Variants in PRR15L observed in about 807,000 individuals in gnomAD.
PRR15L encodes the protein proline-rich protein 15-like protein.
Under a neutral mutation model 3.7 loss-of-function variants are expected in PRR15L, and 1 was observed. That is an observed-to-expected ratio of 0.27 (90% CI 0.09 to 1.27). The LOEUF is 1.27. Among genes scored for constraint, PRR15L ranks in the 50% most tolerant of loss-of-function variants. PRR15L has a pLI of 0.47. For missense variants in PRR15L, 127 were observed against 128.7 expected (o/e 0.99, Z 0.06); for synonymous variants, 57 against 51.9 (o/e 1.10, Z -0.42).
Position 47,953,120 on chromosome 17 carries a change from G to T in PRR15L, c.115C>A (p.Pro39Thr), listed in dbSNP as rs764688541. ...GGGCCTCCAGCGTCAGGCCTCGGGG[G>T]TTCTGCATCTCCCTCTGTTTGGGCA... ...TYAQTEGDAE[P>T]PRPDAGGPNS... Residue 39 changes from proline to threonine, a missense_variant, in exon 2 of 2, where the codon CCC (proline) becomes ACC (threonine). Pro to Thr is a conservative substitution (Grantham distance 38, BLOSUM62 -1). Coordinates refer to ENST00000300557, the MANE Select transcript of PRR15L (RefSeq NM_024320.4). 1.3e-5 allele frequency: 21 copies of T among 1,614,018 alleles called. No individual in the cohort carries two copies. Among genetic ancestry groups the T allele is most frequent in the Middle Eastern group, 3.3e-4 (2 of 6,084 alleles).
chr17:47,953,413 C>G (rs573502719), intron 1 of PRR15L, 150 bp from the exon 2 acceptor site: 61 of 563,102 alleles, frequency 1.1e-4, no homozygotes, highest in Non-Finnish European at 1.7e-4. Flanking sequence ...AATCCCGGCA[C>G]TTTGGGAGGC....
At chr17:47,954,633 G>C (rs749203203) in intron 1 of PRR15L, among the ~76,000 whole-genome samples, 4 of 152,164 alleles carry the variant, frequency 2.6e-5, no homozygotes, top group African/African-American at 9.7e-5. Flanking sequence ...GGAACTTCTC[G>C]GAGAGGAGGT....
intron 1 of PRR15L, among the ~76,000 whole-genome samples, chr17:47,955,328 G>A (rs760609058): frequency 2.0e-5 from 3 of 152,148 alleles, no homozygotes; most frequent in Admixed American, 6.5e-5. Flanking sequence ...TTTTAGGGGT[G>A]GGGGAGCATA....
chr17:47,952,929 T>C lies in PRR15L; in HGVS notation c.306A>G (p.Ser102=), dbSNP rs1259479205. 6 of 1,612,520 alleles carry C rather than the reference T, an allele frequency of 3.7e-6. No individual in the cohort carries two copies. In the South Asian group the frequency reaches 4.4e-5, roughly 12 times the overall value. Residue 102 remains serine, a synonymous_variant, in exon 2 of 2, where the codon TCA becomes TCG. Coordinates refer to ENST00000300557, the MANE Select transcript of PRR15L (RefSeq NM_024320.4). ...LFDDHEEGRS[S]K ...TAGCACCCTCCTCAGCCCTTCACTT[T>C]GATGACCGTCCTTCCTCGTGATCAT...
intron 1 of PRR15L, among the ~76,000 whole-genome samples, chr17:47,954,288 A>G (rs933495611): frequency 2.6e-5 from 4 of 152,148 alleles, no homozygotes; most frequent in Non-Finnish European, 5.9e-5. Context: ...CAGCACTAGC[A>G]TTTAGCTCTA....
chr17:47,952,397 G>C lies in PRR15L; in HGVS notation c.*526C>G, dbSNP rs1048729004. 6.5e-6 allele frequency: 1 copy of C among 152,776 alleles called. No homozygotes were observed. The allele number at this position is 152,776 out of a possible 1,614,324, so 9.5% of individuals were successfully genotyped here. A position where few individuals can be genotyped will look rare whatever the true frequency, so the allele number is the denominator to read the frequency against. On this transcript the variant is annotated 3_prime_UTR_variant, in exon 2 of 2. Coordinates refer to ENST00000300557, the MANE Select transcript of PRR15L (RefSeq NM_024320.4). ...GCAAAGTTCCAGGAAGTTTACTGCCGGTGTTAGGAGGTGAGCTCAAGTTCA... is the reference window on the plus strand; with the variant it reads ...GCAAAGTTCCAGGAAGTTTACTGCCCGTGTTAGGAGGTGAGCTCAAGTTCA...
chr17:47,953,182 G>A lies in PRR15L; in HGVS notation c.53C>T (p.Ser18Phe). 1 of 1,599,854 alleles carries A rather than the reference G, an allele frequency of 6.3e-7. No homozygotes were observed. Among genetic ancestry groups the A allele is most frequent in the Non-Finnish European group, 8.5e-7 (1 of 1,170,542 alleles). Residue 18 changes from serine to phenylalanine, a missense_variant, in exon 2 of 2, where the codon TCC becomes TTC. Physicochemically the swap from Ser to Phe is radical, Grantham distance 155. Coordinates refer to ENST00000300557, the MANE Select transcript of PRR15L (RefSeq NM_024320.4). ...WKLTFLRKKK[S>F]TPKVLYEIPD... ...GATCTCATACAGCACTTTGGGAGTG[G>A]ATTTCTTTTTCCGGAGGAAAGTCAG... is the stretch of plus-strand genomic sequence containing the variant.
chr17:47,956,844 G>A (rs987845748), intron 1 of PRR15L, among the ~76,000 whole-genome samples: 7 of 152,240 alleles, frequency 4.6e-5, no homozygotes, highest in Non-Finnish European at 1.0e-4. Flanking sequence ...GGGGGAGTGG[G>A]GGCAGGTGCT....
Position 47,952,766 on chromosome 17 carries a change from A to G in PRR15L, c.*157T>C. The G allele has an allele frequency of 1.4e-6, 1 of 700,414 alleles. No individual in the cohort carries two copies. The allele number at this position is 700,414 out of a possible 1,614,324, so 43.4% of individuals were successfully genotyped here. A position where few individuals can be genotyped will look rare whatever the true frequency, so the allele number is the denominator to read the frequency against. On this transcript the variant is annotated 3_prime_UTR_variant, in exon 2 of 2. Coordinates refer to ENST00000300557, the MANE Select transcript of PRR15L (RefSeq NM_024320.4). The stretch of plus-strand genomic sequence containing the variant: ...TCCCAGGCCTTACAAAAGTGGCGGC[A>G]CATAAATACAAACCTAAAAAACAGC...
At chr17:47,955,816 G>A (rs1222689175) in intron 1 of PRR15L, among the ~76,000 whole-genome samples, 1 of 152,184 alleles carries the variant, frequency 6.6e-6, no homozygotes, top group Non-Finnish European at 1.5e-5. Flanking sequence ...TCACTGCCTT[G>A]TCTGGAATGA....
chr17:47,956,005 C>G (rs1177829623), intron 1 of PRR15L, among the ~76,000 whole-genome samples: 1 of 152,250 alleles, frequency 6.6e-6, no homozygotes, highest in Non-Finnish European at 1.5e-5. Flanking sequence ...AGTTGGCAAA[C>G]CTGGGGCTTA....
chr17:47,957,762 C>A lies in PRR15L; in HGVS notation c.-135G>T, dbSNP rs1026256948. 6.6e-5 allele frequency: 10 copies of A among 152,398 alleles called. No homozygotes were observed. The highest frequency in any genetic ancestry group is 3.3e-4 in the Admixed American group (5 of 15,278). The allele number at this position is 152,398 out of a possible 1,614,324, so 9.4% of individuals were successfully genotyped here. ...AGACTCGGGAAGCAAGTGGTGCCTC[C>A]GGGCTGCTGTATCAGGCAAGGCTCA... is the stretch of plus-strand genomic sequence containing the variant. On this transcript the variant is annotated 5_prime_UTR_variant, in exon 1 of 2. Coordinates refer to ENST00000300557, the MANE Select transcript of PRR15L (RefSeq NM_024320.4).
chr17:47,956,602 T>C (rs1741998983), intron 1 of PRR15L, among the ~76,000 whole-genome samples: 1 of 152,222 alleles, frequency 6.6e-6, no homozygotes, highest in Non-Finnish European at 1.5e-5. Flanking sequence ...TATGGAAATC[T>C]GAGTTTGCAA....
At chr17:47,955,149 G>C (rs943666380) in intron 1 of PRR15L, among the ~76,000 whole-genome samples, 1 of 151,832 alleles carries the variant, frequency 6.6e-6, no homozygotes, top group Non-Finnish European at 1.5e-5. Flanking sequence ...GGCTGGTCTC[G>C]AACTCCTGAC....
chr17:47,956,260 C>T (rs1356694832), intron 1 of PRR15L, among the ~76,000 whole-genome samples: 3 of 152,190 alleles, frequency 2.0e-5, no homozygotes, highest in Non-Finnish European at 4.4e-5. Context: ...GCCAGGAGTT[C>T]AAGACCAGCC....
chr17:47,954,335 CA>C, intron 1 of PRR15L, among the ~76,000 whole-genome samples: 1 of 152,290 alleles, frequency 6.6e-6, no homozygotes, highest in East Asian at 1.9e-4. Context: ...CCATGCATTG[CA>C]AAGTAAAACT....
At position 47,953,227 on chromosome 17, in the gene PRR15L, G is replaced by A; in HGVS notation, c.8C>T (p.Thr3Ile). 1 of 1,576,242 alleles carries A rather than the reference G, an allele frequency of 6.3e-7. No individual in the cohort carries two copies. Among genetic ancestry groups the A allele is most frequent in the Non-Finnish European group, 8.6e-7 (1 of 1,159,992 alleles). ...AGTCAGCTTCCACCAACCAATTTCA[G>A]TCGTCATGGCGCTCCCTAAGCCAAG... MT[T>I]EIGWWKLTFL... Residue 3 changes from threonine (T) to isoleucine (I), a missense_variant, in exon 2 of 2, where the codon ACT becomes ATT. Transcript: ENST00000300557.
At chr17:47,955,026 T>G (rs1265250415) in intron 1 of PRR15L, among the ~76,000 whole-genome samples, 3 of 150,102 alleles carry the variant, frequency 2.0e-5, no homozygotes, top group Non-Finnish European at 3.0e-5. Context: ...ACCTCCCAGG[T>G]TCAAGCGATT....
At chr17:47,956,629 G>A (rs1172441602) in intron 1 of PRR15L, among the ~76,000 whole-genome samples, 5 of 152,120 alleles carry the variant, frequency 3.3e-5, no homozygotes, top group African/African-American at 9.7e-5. Flanking sequence ...AAAATTAGCC[G>A]ACTATTCTTT....
Sources: gnomAD v4.1 joint callset for allele counts (sites outside exome capture counted in the v4.1 genomes callset) on GRCh38, gnomAD v4.1.1 for gene constraint, MANE v1.5 for transcripts, NCBI Gene and HGNC (gene_info 2026-07-23, HGNC 2026-07-21) for gene names.